The following STK31 variants were observed in gnomAD, a reference collection of about 807,000 sequenced individuals.
STK31 encodes the protein serine/threonine-protein kinase 31.
In STK31, 89 loss-of-function variants were observed where a neutral mutation model predicts 129.7. The ratio of observed to expected loss-of-function variants is 0.69; its 90% CI spans 0.58 to 0.82. The LOEUF is 0.82. Among genes scored for constraint, STK31 ranks in the 40% least tolerant of loss-of-function variants. STK31 has a pLI of 0.00. For synonymous variants in STK31, 448 were observed against 395.3 expected (o/e 1.13, Z -1.58); for missense variants, 1,187 against 1,176.4 (o/e 1.01, Z -0.13).
chr7:23,792,549 C>G lies in STK31; in HGVS notation c.2760+1603C>G, dbSNP rs150848924. On this transcript the variant is annotated intron_variant, in intron 22 of 23. Coordinates refer to ENST00000355870, the MANE Select transcript of STK31 (RefSeq NM_031414.5). ...ATCAGTTGTTCTTGGCTTATAGATTCGATGCAATTTCAACAAAATTGCTGG... is the reference window on the plus strand; with the variant it reads ...ATCAGTTGTTCTTGGCTTATAGATTGGATGCAATTTCAACAAAATTGCTGG... 6.6e-4 allele frequency among the ~76,000 whole-genome samples: 101 copies of G among 152,090 alleles called. 1 individual carries two copies. In the East Asian group the frequency reaches 0.019, roughly 28 times the overall value.
chr7:23,712,812 A>G (rs146587331), intron 3 of STK31, among the ~76,000 whole-genome samples: 1 of 152,296 alleles, frequency 6.6e-6, no homozygotes, highest in East Asian at 1.9e-4. Context: ...CAAGCACTGA[A>G]GGGCTGTGTT....
intron 23 of STK31, among the ~76,000 whole-genome samples, chr7:23,816,769 C>T (rs1326273361): frequency 1.3e-5 from 2 of 152,146 alleles, no homozygotes; most frequent in Non-Finnish European, 1.5e-5. Context: ...TAAGTGATAT[C>T]CCATAGTTTT....
At chr7:23,826,565 G>C (rs535473925) in intron 23 of STK31, among the ~76,000 whole-genome samples, 1 of 152,312 alleles carries the variant, frequency 6.6e-6, no homozygotes, top group African/African-American at 2.4e-5. Context: ...TTGCCAGTCT[G>C]TGCCTTTTAA....
In STK31 at chr7:23,729,023, A is replaced by G. The variant is rs534724084; in HGVS notation, c.325-68A>G. On this transcript the variant is annotated intron_variant, in intron 5 of 23. Transcript: ENST00000355870. ...TACAGGTCATTAACAGAGAGCAGCAAATTGGTGGTTTCTTTGGAAACATTT... is the reference window on the plus strand; with the variant it reads ...TACAGGTCATTAACAGAGAGCAGCAGATTGGTGGTTTCTTTGGAAACATTT... The G allele has an allele frequency of 9.3e-4, 1,324 of 1,421,868 alleles. 31 individuals carry two copies. The South Asian group carries it at 0.021, about 22-fold the overall frequency. 88.1% of individuals were successfully genotyped at this position (1,421,868 alleles called of 1,614,324 possible).
intron 22 of STK31, among the ~76,000 whole-genome samples, chr7:23,798,279 G>C (rs1316559949): frequency 2.6e-5 from 4 of 151,906 alleles, no homozygotes; most frequent in Non-Finnish European, 4.4e-5. Context: ...GTACCAAAAC[G>C]TGCCAGAGAC....
rs1012220470 is a variant in STK31 at position 23,824,643 on chromosome 7, G to A, written c.2830-7493G>A. Among the ~76,000 whole-genome samples the A allele has an allele frequency of 5.9e-5, 9 of 152,288 alleles. No homozygotes were observed. The South Asian group carries it at 8.3e-4, about 14-fold the overall frequency. ...GAACTTCCAACACTATGTTGAATAG[G>A]AGTGGTGAGAGAGGGCATCCCTGTC... On this transcript the variant is annotated intron_variant, in intron 23 of 23. Transcript: ENST00000355870.
At chr7:23,727,681 G>A (rs1480277626) in intron 5 of STK31, 5 of 178,562 alleles carry the variant, frequency 2.8e-5, no homozygotes, top group Non-Finnish European at 1.1e-5. Flanking sequence ...TCCTGCCTCA[G>A]CCTCCCAAGT....
At chr7:23,798,078 C>A (rs1792090349) in intron 22 of STK31, among the ~76,000 whole-genome samples, 1 of 152,084 alleles carries the variant, frequency 6.6e-6, no homozygotes, top group African/African-American at 2.4e-5. Context: ...AATAGACCAA[C>A]AATAAGTTCT....
chr7:23,805,934 A>G (rs1213056620), intron 22 of STK31, among the ~76,000 whole-genome samples: 2 of 152,256 alleles, frequency 1.3e-5, no homozygotes, highest in Non-Finnish European at 2.9e-5. Flanking sequence ...GTGAGGGAGT[A>G]TGTTATTATC....
At chr7:23,727,399 T>G in intron 5 of STK31, 84 bp downstream of exon 5, 1 of 1,184,896 alleles carries the variant, frequency 8.4e-7, no homozygotes, top group Non-Finnish European at 1.2e-6. Context: ...TAGCCCTTCA[T>G]TGCTTATTCG....
chr7:23,820,157 G>T (rs1363965203), intron 23 of STK31, among the ~76,000 whole-genome samples: 1 of 152,086 alleles, frequency 6.6e-6, no homozygotes, highest in African/African-American at 2.4e-5. Flanking sequence ...CATTGTTTCA[G>T]TATTGGAGGC....
intron 15 of STK31, among the ~76,000 whole-genome samples, chr7:23,779,181 C>T (rs1790750802): frequency 1.3e-5 from 2 of 152,192 alleles, no homozygotes; most frequent in South Asian, 2.1e-4. Context: ...TGCAGAACAG[C>T]AAAGATTGCT....
intron 21 of STK31, among the ~76,000 whole-genome samples, chr7:23,788,701 T>A (rs1791444798): frequency 6.6e-6 from 1 of 152,148 alleles, no homozygotes; most frequent in Non-Finnish European, 1.5e-5. Context: ...AATTCTCTAT[T>A]TTAATTGAGA....
chr7:23,772,808 C>G (rs150128325), intron 15 of STK31, among the ~76,000 whole-genome samples: 2 of 152,220 alleles, frequency 1.3e-5, no homozygotes, highest in East Asian at 3.9e-4. Context: ...AGGCTTGAAA[C>G]TTTGTGAATA....
chr7:23,775,163 G>A, intron 15 of STK31, among the ~76,000 whole-genome samples: 1 of 152,118 alleles, frequency 6.6e-6, no homozygotes, highest in Non-Finnish European at 1.5e-5. Context: ...TATTTCTGAG[G>A]CCTCTTTGTG....
intron 15 of STK31, among the ~76,000 whole-genome samples, chr7:23,774,912 C>G (rs1480631189): frequency 2.6e-5 from 4 of 152,108 alleles, no homozygotes; most frequent in Admixed American, 6.5e-5. Context: ...GGTTTTAGGT[C>G]TAATATTTAA....
chr7:23,747,292 C>T (rs988522862), intron 8 of STK31, among the ~76,000 whole-genome samples: 2 of 152,068 alleles, frequency 1.3e-5, no homozygotes, highest in African/African-American at 2.4e-5. Flanking sequence ...TTATATAGGC[C>T]TGACATTTTC....
chr7:23,726,857 A>G (rs1178101117), intron 4 of STK31, among the ~76,000 whole-genome samples: 17 of 152,166 alleles, frequency 1.1e-4, no homozygotes, highest in Admixed American at 1.1e-3. Context: ...CGTGGCATGT[A>G]CTTGCCATGT....
chr7:23,784,312 A>T (rs1294763789), intron 17 of STK31, among the ~76,000 whole-genome samples: 5 of 152,170 alleles, frequency 3.3e-5, no homozygotes, highest in Non-Finnish European at 1.5e-5. Context: ...TAAATATGGT[A>T]CAGAGAGGGA....
Sources: gnomAD v4.1 joint callset for allele counts (sites outside exome capture counted in the v4.1 genomes callset) on GRCh38, gnomAD v4.1.1 for gene constraint, MANE v1.5 for transcripts, NCBI Gene and HGNC (gene_info 2026-07-23, HGNC 2026-07-21) for gene names.